GPHN: variants seen among roughly 807,000 people sequenced by gnomAD.
GPHN encodes the protein gephyrin.
GPHN carries 17 observed loss-of-function variants against 95.5 expected under a neutral mutation model. The observed-to-expected ratio is 0.18, with a 90% CI of 0.12 to 0.27. The LOEUF is 0.27. Ranked by LOEUF, GPHN falls within the 10% of genes least tolerant of loss-of-function variation. The pLI, the probability that GPHN is intolerant of heterozygous loss-of-function variation, is 1.00. For synonymous variants in GPHN, 320 were observed against 322.5 expected (o/e 0.99, Z 0.08); for missense variants, 660 against 978.1 (o/e 0.67, Z 4.34).
the GPHN span, among the ~76,000 whole-genome samples, chr14:67,625,157 TA>T: frequency 0.013 from 1,806 of 143,082 alleles, 64 homozygotes; most frequent in Admixed American, 0.082. Context: ...ATATCCACAT[TA>T]AAAAAAAAAA....
At chr14:67,726,296 G>T in the GPHN span, 1 of 708,208 alleles carries the variant, frequency 1.4e-6, no homozygotes, top group Non-Finnish European at 2.6e-6. Flanking sequence ...TTGGCTTGTT[G>T]TTCACTGTAC....
At chr14:67,651,372 T>C in the GPHN span, 6 of 1,613,400 alleles carry the variant, frequency 3.7e-6, no homozygotes, top group African/African-American at 8.0e-5. Context: ...CACAAACCCT[T>C]CCCTATAGAA....
the GPHN span, among the ~76,000 whole-genome samples, chr14:67,554,263 A>G: frequency 2.0e-5 from 3 of 152,118 alleles, no homozygotes; most frequent in African/African-American, 4.8e-5. Flanking sequence ...TTAATTAAGG[A>G]AAGCAGAATT....
the GPHN span, chr14:67,674,644 C>G: frequency 5.5e-6 from 3 of 542,368 alleles, no homozygotes; most frequent in South Asian, 1.0e-4. Flanking sequence ...GCAGGGTCCT[C>G]TCGAGCCGGA....
At chr14:67,124,133 T>C (rs1367042710) in intron 17 of GPHN, among the ~76,000 whole-genome samples, 1 of 151,960 alleles carries the variant, frequency 6.6e-6, no homozygotes, top group Non-Finnish European at 1.5e-5. Context: ...TGGCCAGGAG[T>C]GGTGGCTCAC....
intron 1 of GPHN, among the ~76,000 whole-genome samples, chr14:66,620,694 C>G (rs2063253871): frequency 6.6e-6 from 1 of 152,080 alleles, no homozygotes; most frequent in Non-Finnish European, 1.5e-5. Context: ...ATCTCATATC[C>G]TCACATTTCA....
At position 66,601,490 on chromosome 14, in the gene GPHN, C is replaced by G. The variant is rs371843528; in HGVS notation, c.65-79617C>G. 2.4e-3 allele frequency among the ~76,000 whole-genome samples: 366 copies of G among 151,978 alleles called. 3 individuals carry two copies. Among genetic ancestry groups the G allele is most frequent in the African/African-American group, 8.3e-3 (345 of 41,518 alleles). Reference sequence around the variant, plus strand: ...TAGGAAAGTGATGGTGAAGGGGCAACCTCTTTAGTTTTCAGTTTTCGGGAT... The same window carrying G: ...TAGGAAAGTGATGGTGAAGGGGCAAGCTCTTTAGTTTTCAGTTTTCGGGAT... On this transcript the variant is annotated intron_variant, in intron 1 of 22. Coordinates refer to ENST00000478722, the MANE Select transcript of GPHN (RefSeq NM_020806.5).
the GPHN span, chr14:67,642,385 G>A: frequency 6.2e-7 from 1 of 1,612,214 alleles, no homozygotes; most frequent in Non-Finnish European, 8.5e-7. Context: ...GCCAGGCGTG[G>A]TGAGGGGATG....
At chr14:66,575,197 A>G (rs545051502) in intron 1 of GPHN, among the ~76,000 whole-genome samples, 2 of 152,126 alleles carry the variant, frequency 1.3e-5, no homozygotes, top group South Asian at 2.1e-4. Flanking sequence ...CTTGCTGAGT[A>G]TAGTGTTCTT....
intron 12 of GPHN, among the ~76,000 whole-genome samples, chr14:67,093,442 A>T (rs968163125): frequency 6.6e-6 from 1 of 151,960 alleles, no homozygotes; most frequent in Non-Finnish European, 1.5e-5. Context: ...ATCCATTTGA[A>T]TCCTCTTTCG....
chr14:67,484,539 A>T, the GPHN span, among the ~76,000 whole-genome samples: 1 of 152,222 alleles, frequency 6.6e-6, no homozygotes, highest in Non-Finnish European at 1.5e-5. Context: ...CTGTAATCAC[A>T]CATCTTAGAG....
At chr14:66,870,625 A>G (rs886220121) in intron 4 of GPHN, among the ~76,000 whole-genome samples, 1 of 152,200 alleles carries the variant, frequency 6.6e-6, no homozygotes. Flanking sequence ...ATACAACAGA[A>G]TTTTTAAAAA....
the GPHN span, among the ~76,000 whole-genome samples, chr14:67,660,940 A>C: frequency 3.7e-4 from 57 of 152,338 alleles, no homozygotes; most frequent in Non-Finnish European, 6.6e-4. Context: ...AAAAGCTCCC[A>C]GTACTCCCAT....
chr14:66,517,081 C>T (rs1322336698), intron 1 of GPHN, among the ~76,000 whole-genome samples: 3 of 132,174 alleles, frequency 2.3e-5, no homozygotes, highest in African/African-American at 8.9e-5. Context: ...TGAGCCAAGA[C>T]TGTGCCACTG....
intron 2 of GPHN, among the ~76,000 whole-genome samples, chr14:66,718,612 G>C (rs150355175): frequency 6.6e-6 from 1 of 152,068 alleles, no homozygotes; most frequent in Non-Finnish European, 1.5e-5. Flanking sequence ...ATTTTACAGA[G>C]TGCTGATTGG....
the GPHN span, chr14:67,572,025 C>G: frequency 4.7e-6 from 7 of 1,479,870 alleles, no homozygotes; most frequent in Non-Finnish European, 6.4e-6. Flanking sequence ...AGCTCCACCC[C>G]CAGCCCCAGA....
At chr14:67,660,336 G>T in the GPHN span, 1 of 156,106 alleles carries the variant, frequency 6.4e-6, no homozygotes, top group Non-Finnish European at 1.4e-5. Context: ...TGTAATCCTG[G>T]CACTTTGGGA....
At chr14:67,343,347 G>GCACCTCA in the GPHN span, 1 of 1,578,642 alleles carries the variant, frequency 6.3e-7, no homozygotes, top group African/African-American at 1.3e-5. Context: ...AAGTGACAAA[G>GCACCTCA]CACCTCACAG....
At chr14:67,068,069 C>G (rs749195917) in intron 11 of GPHN, among the ~76,000 whole-genome samples, 1 of 152,152 alleles carries the variant, frequency 6.6e-6, no homozygotes, top group Non-Finnish European at 1.5e-5. Context: ...TGGAGCTGTT[C>G]CTATTCGGCC....
Sources: allele counts gnomAD v4.1 joint callset (sites outside exome capture counted in the v4.1 genomes callset), GRCh38; gene constraint gnomAD v4.1.1; transcripts MANE v1.5; gene names NCBI Gene and HGNC (gene_info 2026-07-23, HGNC 2026-07-21).